ILKAP: variants seen among roughly 807,000 people sequenced by gnomAD.
ILKAP encodes integrin-linked kinase-associated serine/threonine phosphatase 2C.
In ILKAP, 11 loss-of-function variants were observed where a neutral mutation model predicts 49.1. The observed-to-expected ratio is 0.22, with a 90% CI of 0.14 to 0.37. The LOEUF (loss-of-function observed/expected upper bound fraction) is 0.37. Among genes scored for constraint, ILKAP ranks in the 10% least tolerant of loss-of-function variants. ILKAP has a pLI of 1.00. For missense variants in ILKAP, 363 were observed against 510.8 expected (o/e 0.71, Z 2.79); for synonymous variants, 186 against 192.8 (o/e 0.96, Z 0.29).
In ILKAP at chr2:238,203,665, G is replaced by T; in HGVS notation, c.-112C>A. Reference sequence around the variant, plus strand: ...AGCGGGCGGGCGACGGGCAGGGGCGGCCGGCGCCGTCAGTCACCTGCAGGG... The same window carrying T: ...AGCGGGCGGGCGACGGGCAGGGGCGTCCGGCGCCGTCAGTCACCTGCAGGG... On this transcript the variant is annotated 5_prime_UTR_variant, in exon 1 of 12. Transcript: ENST00000254654. The T allele has an allele frequency of 5.8e-6, 3 of 515,648 alleles. No individual in the cohort carries two copies. The highest frequency in any genetic ancestry group is 8.1e-6 in the Non-Finnish European group (3 of 371,184). 31.9% of individuals were successfully genotyped at this position (515,648 alleles called of 1,614,324 possible). A position where few individuals can be genotyped will look rare whatever the true frequency, so the allele number is the denominator to read the frequency against.
intron 1 of ILKAP, among the ~76,000 whole-genome samples, chr2:238,200,931 C>A (rs886635969): frequency 3.3e-5 from 5 of 152,246 alleles, no homozygotes; most frequent in African/African-American, 4.8e-5. Context: ...GCAAGTGTCA[C>A]CCCTTTTTAC....
chr2:238,194,232 T>C (rs1461145861), intron 3 of ILKAP, 43 bp downstream of exon 3: 6 of 1,528,664 alleles, frequency 3.9e-6, no homozygotes, highest in African/African-American at 1.4e-5. Flanking sequence ...TAAAATACTA[T>C]GTATTATTTC....
intron 5 of ILKAP, chr2:238,185,584 A>C: frequency 3.7e-6 from 1 of 269,118 alleles, no homozygotes; most frequent in Non-Finnish European, 7.3e-6. Flanking sequence ...CAGGCGGATC[A>C]CGAGATCAGG....
At chr2:238,187,453 T>TAATATATATTATTA (rs71043113) in intron 5 of ILKAP, among the ~76,000 whole-genome samples, 98,258 of 151,922 alleles carry the variant, frequency 0.65, 33,483 homozygotes, top group East Asian at 0.79. Context: ...GTAACCTATG[T>TAATATATATTATTA]AATATGTACT....
chr2:238,172,385 C>A (rs538577773), intron 10 of ILKAP, among the ~76,000 whole-genome samples: 1 of 152,182 alleles, frequency 6.6e-6, no homozygotes, highest in Non-Finnish European at 1.5e-5. Context: ...TTCACTCGGC[C>A]GCTACTTGCC....
intron 9 of ILKAP, among the ~76,000 whole-genome samples, chr2:238,181,499 G>A (rs1297756598): frequency 2.0e-5 from 3 of 152,182 alleles, no homozygotes; most frequent in African/African-American, 7.2e-5. Flanking sequence ...GGTCCTCTGT[G>A]CCAGTTGTTC....
chr2:238,194,465 A>G, intron 2 of ILKAP, 134 bp from the exon 3 acceptor site: 1 of 713,986 alleles, frequency 1.4e-6, no homozygotes, highest in South Asian at 1.7e-5. Context: ...GTGGCAACTC[A>G]TACTGCAATG....
chr2:238,189,157 A>G (rs956631713), intron 4 of ILKAP, among the ~76,000 whole-genome samples: 3 of 152,132 alleles, frequency 2.0e-5, no homozygotes, highest in African/African-American at 7.2e-5. Flanking sequence ...TCTCTACTAA[A>G]AATACAAAAA....
At chr2:238,175,188 C>T (rs150629429) in intron 9 of ILKAP, among the ~76,000 whole-genome samples, 1 of 151,606 alleles carries the variant, frequency 6.6e-6, no homozygotes, top group Non-Finnish European at 1.5e-5. Flanking sequence ...TGCAATCACT[C>T]GCTGGGCTCA....
chr2:238,182,212 C>T (rs371875970), intron 8 of ILKAP, 26 bp from the exon 9 acceptor site: 2 of 1,611,446 alleles, frequency 1.2e-6, no homozygotes, highest in African/African-American at 2.7e-5. Flanking sequence ...TTGTAATAGT[C>T]ATGAAATTCA....
At chr2:238,200,201 C>CT (rs66935818) in intron 1 of ILKAP, among the ~76,000 whole-genome samples, 14,537 of 151,942 alleles carry the variant, frequency 0.096, 1,286 homozygotes, top group African/African-American at 0.24. Flanking sequence ...TGAACAAACA[C>CT]TTTTTTTTAG....
chr2:238,196,370 G>A (rs1694348486), intron 1 of ILKAP, among the ~76,000 whole-genome samples: 1 of 151,558 alleles, frequency 6.6e-6, no homozygotes, highest in East Asian at 1.9e-4. Flanking sequence ...GGATTACAGG[G>A]GTGAGCCACC....
intron 3 of ILKAP, 48 bp from the exon 4 acceptor site, chr2:238,190,020 GAA>G (rs1559297291): frequency 1.3e-6 from 2 of 1,589,998 alleles, no homozygotes; most frequent in African/African-American, 2.7e-5. Context: ...TAGACTGTTG[GAA>G]AAAGTCACTA....
At chr2:238,171,303 G>A (rs750765109) in intron 10 of ILKAP, among the ~76,000 whole-genome samples, 4 of 151,938 alleles carry the variant, frequency 2.6e-5, no homozygotes, top group Non-Finnish European at 4.4e-5. Context: ...GGGATTACAG[G>A]TGCCCGGCAC....
At chr2:238,200,353 T>C (rs1292573995) in intron 1 of ILKAP, among the ~76,000 whole-genome samples, 1 of 152,106 alleles carries the variant, frequency 6.6e-6, no homozygotes, top group Non-Finnish European at 1.5e-5. Context: ...TTATAAACAT[T>C]TAAGAGGTTT....
intron 9 of ILKAP, among the ~76,000 whole-genome samples, chr2:238,181,296 A>G (rs4663857): frequency 0.043 from 6,507 of 151,366 alleles, 241 homozygotes; most frequent in South Asian, 0.15. Context: ...CAAACTGTAC[A>G]ACAAACCAGA....
intron 1 of ILKAP, among the ~76,000 whole-genome samples, chr2:238,195,236 A>C (rs1694295617): frequency 1.3e-5 from 2 of 152,350 alleles, no homozygotes; most frequent in South Asian, 4.1e-4. Context: ...ATTCTAGACC[A>C]GGAAAACAAT....
chr2:238,199,368 T>C (rs1413075302), intron 1 of ILKAP, among the ~76,000 whole-genome samples: 1 of 152,208 alleles, frequency 6.6e-6, no homozygotes, highest in East Asian at 1.9e-4. Flanking sequence ...AGTTGTAATT[T>C]TCACTCCCAA....
chr2:238,189,951 G>A lies in ILKAP; in HGVS notation c.200C>T (p.Ser67Phe). The change falls in exon 4 of 12, where the codon TCC becomes TTC. Residue 67 changes from serine (S) to phenylalanine (F), a missense_variant. This residue lies in a region of ILKAP where 114 missense variants were observed against 116.0 expected (regional missense o/e 0.98). Coordinates refer to ENST00000254654, the MANE Select transcript of ILKAP (RefSeq NM_030768.3). ...GDSGSLATSI[S>F]QMVKTEGKGA... ...TTTCCCTTCAGTCTTTACCATCTGG[G>A]ATATTGATGTGGCAAGAGAACCTGG... is the stretch of plus-strand genomic sequence containing the variant. 1.2e-6 allele frequency: 2 copies of A among 1,613,956 alleles called. No individual in the cohort carries two copies. The highest frequency in any genetic ancestry group is 2.2e-5 in the South Asian group (2 of 91,078).
Sources: gnomAD v4.1 joint callset for allele counts (sites outside exome capture counted in the v4.1 genomes callset) on GRCh38, gnomAD v4.1.1 for gene constraint, gnomAD v4.1.1 regional missense constraint, MANE v1.5 for transcripts, NCBI Gene and HGNC (gene_info 2026-07-23, HGNC 2026-07-21) for gene names.